Variants in SLC1A2 observed in about 807,000 individuals in gnomAD.
SLC1A2 encodes solute carrier family 1 member 2.
SLC1A2 carries 15 observed loss-of-function variants against 48.8 expected under a neutral mutation model. The observed-to-expected ratio is 0.31, with a 90% CI of 0.21 to 0.47. The LOEUF (loss-of-function observed/expected upper bound fraction) is 0.47. SLC1A2 is among the 20% of genes least tolerant of loss of function. The pLI is 0.99. For synonymous variants in SLC1A2, 279 were observed against 272.6 expected (o/e 1.02, Z -0.23); for missense variants, 502 against 730.5 (o/e 0.69, Z 3.61).
intron 1 of SLC1A2, among the ~76,000 whole-genome samples, chr11:35,389,674 T>C (rs1367347918): frequency 1.3e-5 from 2 of 152,156 alleles, no homozygotes; most frequent in Admixed American, 6.5e-5. Flanking sequence ...TTCACCATGT[T>C]GTCCAGGCTG....
chr11:35,334,503 G>A (rs1250215374), intron 1 of SLC1A2, among the ~76,000 whole-genome samples: 1 of 152,212 alleles, frequency 6.6e-6, no homozygotes, highest in African/African-American at 2.4e-5. Context: ...GTTCCCAGGG[G>A]ACAGGTGTGA....
chr11:35,342,600 G>A (rs147445808), intron 1 of SLC1A2, among the ~76,000 whole-genome samples: 297 of 151,862 alleles, frequency 2.0e-3, no homozygotes, highest in Non-Finnish European at 3.5e-3. Flanking sequence ...ATTTCTAGTG[G>A]GGTAACTTTT....
chr11:35,267,752 C>G (rs1157954968), intron 9 of SLC1A2, among the ~76,000 whole-genome samples: 3 of 148,850 alleles, frequency 2.0e-5, no homozygotes, highest in Non-Finnish European at 3.0e-5. Flanking sequence ...TCTCCAGCCC[C>G]CAATTTACTA....
intron 1 of SLC1A2, among the ~76,000 whole-genome samples, chr11:35,386,895 T>C (rs962789903): frequency 9.8e-5 from 15 of 152,316 alleles, no homozygotes; most frequent in Admixed American, 6.5e-4. Flanking sequence ...TTTTTCATTT[T>C]TAAAAAAGAA....
chr11:35,413,800 G>A (rs1290808240), intron 1 of SLC1A2: 1 of 152,190 alleles, frequency 6.6e-6, no homozygotes, highest in East Asian at 1.9e-4. Flanking sequence ...GGGAACTTGG[G>A]ATGGCAGAAC....
chr11:35,324,446 T>C (rs142156999), intron 1 of SLC1A2, among the ~76,000 whole-genome samples: 134 of 152,350 alleles, frequency 8.8e-4, no homozygotes, highest in African/African-American at 3.2e-3. Flanking sequence ...CACTGGGTCA[T>C]TACAGAGCTC....
At chr11:35,306,340 G>C (rs1215117286) in intron 4 of SLC1A2, 98 bp from the exon 5 acceptor site, 2 of 865,928 alleles carry the variant, frequency 2.3e-6, no homozygotes, top group East Asian at 5.1e-5. Context: ...GTTCCCAACA[G>C]GTTAACAATA....
upstream of SLC1A2, chr11:35,419,829 C>T (rs925816736): frequency 2.7e-6 from 1 of 375,408 alleles, no homozygotes; most frequent in Non-Finnish European, 5.6e-6. The surrounding 1 kb of genome is among the most constrained non-coding windows in gnomAD (Gnocchi z 5.4). Flanking sequence ...CCGGGATGCC[C>T]CTCCGTCTCC....
chr11:35,253,379 T>A lies in SLC1A2; in HGVS notation c.*7515A>T, dbSNP rs889064959. ...GTCCTGATTTCATCTCTAGCACTCATCCTCAGTCTCTGCTACTCAAAGTTT... is the reference window on the plus strand; with the variant it reads ...GTCCTGATTTCATCTCTAGCACTCAACCTCAGTCTCTGCTACTCAAAGTTT... On this transcript the variant is annotated 3_prime_UTR_variant, in exon 11 of 11. Transcript: ENST00000278379. 1 of 152,648 alleles carries A rather than the reference T, an allele frequency of 6.6e-6. No homozygotes were observed. Among genetic ancestry groups the A allele is most frequent in the Non-Finnish European group, 1.5e-5 (1 of 68,052 alleles). The allele number at this position is 152,648 out of a possible 1,614,324, so 9.5% of individuals were successfully genotyped here. A position where few individuals can be genotyped will look rare whatever the true frequency, so the allele number is the denominator to read the frequency against.
intron 1 of SLC1A2, among the ~76,000 whole-genome samples, chr11:35,379,787 A>G (rs973388040): frequency 1.3e-5 from 2 of 152,236 alleles, no homozygotes; most frequent in Admixed American, 1.3e-4. Context: ...GCCAATTGAA[A>G]GCTTGATCTG....
intron 5 of SLC1A2, among the ~76,000 whole-genome samples, chr11:35,302,041 A>G (rs1226344583): frequency 6.6e-6 from 1 of 152,238 alleles, no homozygotes; most frequent in Non-Finnish European, 1.5e-5. Context: ...TTTGGAGCCA[A>G]TATTGGAATA....
chr11:35,322,077 G>A (rs1852091147), intron 1 of SLC1A2, among the ~76,000 whole-genome samples: 1 of 152,164 alleles, frequency 6.6e-6, no homozygotes, highest in African/African-American at 2.4e-5. Context: ...CATGTGATGG[G>A]ACAGCTGTTG....
intron 9 of SLC1A2, among the ~76,000 whole-genome samples, chr11:35,276,781 C>T (rs1008474231): frequency 3.3e-5 from 5 of 152,120 alleles, no homozygotes; most frequent in African/African-American, 1.2e-4. Context: ...CTCATTGAGC[C>T]TATTTGTTTT....
intron 1 of SLC1A2, among the ~76,000 whole-genome samples, chr11:35,328,336 T>G (rs1852315240): frequency 6.6e-6 from 1 of 152,134 alleles, no homozygotes; most frequent in South Asian, 2.1e-4. Flanking sequence ...CTGGTAATAA[T>G]AAGAATAATG....
chr11:35,409,004 G>C (rs1855382330), intron 1 of SLC1A2, among the ~76,000 whole-genome samples: 1 of 152,208 alleles, frequency 6.6e-6, no homozygotes, highest in Non-Finnish European at 1.5e-5. Context: ...GAATTAATTT[G>C]TTGTGCTGAT....
intron 4 of SLC1A2, among the ~76,000 whole-genome samples, chr11:35,311,380 G>A (rs562876714): frequency 6.6e-6 from 1 of 152,166 alleles, no homozygotes; most frequent in East Asian, 1.9e-4. Context: ...GGCTGGTTTT[G>A]AATTCCTAAC....
At chr11:35,388,076 T>C (rs1312191235) in intron 1 of SLC1A2, among the ~76,000 whole-genome samples, 1 of 152,256 alleles carries the variant, frequency 6.6e-6, no homozygotes, top group Admixed American at 6.5e-5. Context: ...GCAGAATTTA[T>C]ACCCAAGTCT....
At chr11:35,359,403 T>C (rs1372165978) in intron 1 of SLC1A2, among the ~76,000 whole-genome samples, 1 of 152,230 alleles carries the variant, frequency 6.6e-6, no homozygotes, top group Non-Finnish European at 1.5e-5. Flanking sequence ...TTACCTGCTA[T>C]ACTGCAGAGA....
intron 1 of SLC1A2, 136 bp downstream of exon 1, chr11:35,418,814 T>G: frequency 2.8e-6 from 2 of 722,824 alleles, no homozygotes; most frequent in Non-Finnish European, 4.9e-6. Context: ...CACCATCCCA[T>G]CCCCAGCCAA....
Sources: allele counts gnomAD v4.1 joint callset (sites outside exome capture counted in the v4.1 genomes callset), GRCh38; gene constraint gnomAD v4.1.1; non-coding constraint Gnocchi (gnomAD v3.1); transcripts MANE v1.5; gene names NCBI Gene and HGNC (gene_info 2026-07-23, HGNC 2026-07-21).